The following KCNQ1 variants were observed in gnomAD, a reference collection of about 807,000 sequenced individuals.
KCNQ1 encodes potassium voltage-gated channel subfamily KQT member 1.
In KCNQ1, 49 loss-of-function variants were observed where a neutral mutation model predicts 72.4. That is an observed-to-expected ratio of 0.68 (90% CI 0.54 to 0.86). The LOEUF is 0.86. KCNQ1 is among the 40% of genes least tolerant of loss of function. KCNQ1 has a pLI of 0.00. For synonymous variants in KCNQ1, 450 were observed against 412.6 expected, an observed-to-expected ratio of 1.09 and a Z score of -1.10; for missense variants, 790 against 945.1, an observed-to-expected ratio of 0.84 and a Z score of 2.15.
At chr11:2,667,688 AG>A (rs1204737738) in intron 11 of KCNQ1, 16 of 398,706 alleles carry the variant, frequency 4.0e-5, no homozygotes, top group African/African-American at 2.3e-4. Context: ...TGAAGCACGG[AG>A]GTGACCTAGT....
intron 1 of KCNQ1, among the ~76,000 whole-genome samples, chr11:2,506,377 G>A (rs1384883843): frequency 6.6e-6 from 1 of 152,098 alleles, no homozygotes; most frequent in African/African-American, 2.4e-5. Flanking sequence ...TCAGTTCGTG[G>A]GGTCCTTCCA....
intron 11 of KCNQ1, among the ~76,000 whole-genome samples, chr11:2,716,096 C>A (rs1168191374): frequency 1.3e-5 from 2 of 152,168 alleles, no homozygotes; most frequent in East Asian, 1.9e-4. Context: ...GGGTCGGAGC[C>A]CCTATTCCTA....
chr11:2,609,676 T>G (rs1848945938), intron 10 of KCNQ1: 1 of 398,408 alleles, frequency 2.5e-6, no homozygotes, highest in Non-Finnish European at 4.4e-6. Context: ...GTTCTGTCAG[T>G]TTTTGCTTCT....
chr11:2,547,787 C>T lies in KCNQ1; in HGVS notation c.477+19769C>T, dbSNP rs952330721. 5.9e-5 allele frequency among the ~76,000 whole-genome samples: 9 copies of T among 152,118 alleles called. No homozygotes were observed. Among genetic ancestry groups the T allele is most frequent in the African/African-American group, 1.7e-4 (7 of 41,422 alleles). ...GGTGAGTGGCATGGAAGGGGAGGGGCGGCAGTTCTCAGTGGAGCGGCCGGG... is the reference window on the plus strand; with the variant it reads ...GGTGAGTGGCATGGAAGGGGAGGGGTGGCAGTTCTCAGTGGAGCGGCCGGG... On this transcript the variant is annotated intron_variant, in intron 2 of 15. Coordinates refer to ENST00000155840, the MANE Select transcript of KCNQ1 (RefSeq NM_000218.3). The surrounding 1 kb of genome is among the most constrained non-coding windows in gnomAD (Gnocchi z 4.2).
intron 11 of KCNQ1, chr11:2,680,518 A>G (rs931893896): frequency 4.3e-5 from 17 of 398,416 alleles, no homozygotes; most frequent in Non-Finnish European, 2.7e-5. Context: ...TTATTTTGAG[A>G]TAATTGTACA....
At position 2,748,933 on chromosome 11, in the gene KCNQ1, T is replaced by C. The variant is rs956317928; in HGVS notation, c.1515-19911T>C. 6.6e-6 allele frequency among the ~76,000 whole-genome samples: 1 copy of C among 152,162 alleles called. No homozygotes were observed. Among genetic ancestry groups the C allele is most frequent in the Non-Finnish European group, 1.5e-5 (1 of 68,026 alleles). On this transcript the variant is annotated intron_variant, in intron 11 of 15. Transcript: ENST00000155840. This position sits in a 1 kb window ranked among gnomAD's most constrained non-coding sequence, Gnocchi z 6.2. Reference sequence around the variant, plus strand: ...TTGCGGTTGTCACCCTGTCCTTGAGTCTAACTGGGGCTGTGCTGCCTTTGA... The same window carrying C: ...TTGCGGTTGTCACCCTGTCCTTGAGCCTAACTGGGGCTGTGCTGCCTTTGA...
chr11:2,721,959 C>T (rs1025318873), intron 11 of KCNQ1, among the ~76,000 whole-genome samples: 1 of 152,242 alleles, frequency 6.6e-6, no homozygotes, highest in African/African-American at 2.4e-5. Context: ...GATACCCTCA[C>T]CCCAAGCCCA....
chr11:2,581,432 C>A, intron 6 of KCNQ1, among the ~76,000 whole-genome samples: 1 of 152,226 alleles, frequency 6.6e-6, no homozygotes, highest in East Asian at 1.9e-4. Context: ...TAGCGGCAGC[C>A]CAGCCTGTGC....
At chr11:2,542,708 A>G (rs571302141) in intron 2 of KCNQ1, among the ~76,000 whole-genome samples, 1 of 152,266 alleles carries the variant, frequency 6.6e-6, no homozygotes, top group South Asian at 2.1e-4. Flanking sequence ...GCAATCATAC[A>G]GTGTGTGGTT....
intron 11 of KCNQ1, chr11:2,684,157 G>A: frequency 2.5e-6 from 1 of 398,648 alleles, no homozygotes; most frequent in African/African-American, 2.1e-5. Context: ...GTACACCAGA[G>A]GACTTAGGAA....
chr11:2,802,005 TG>T (rs1847276107), intron 15 of KCNQ1, among the ~76,000 whole-genome samples: 1 of 152,016 alleles, frequency 6.6e-6, no homozygotes, highest in South Asian at 2.1e-4. Context: ...AGTAGGGTGT[TG>T]GGGGAGCTTT....
Position 2,795,051 on chromosome 11 carries a change from G to A in KCNQ1, c.1794+17014G>A, listed in dbSNP as rs565813145. 3.3e-5 allele frequency among the ~76,000 whole-genome samples: 5 copies of A among 152,266 alleles called. No homozygotes were observed. In the East Asian group the frequency reaches 5.8e-4, roughly 18 times the overall value. On this transcript the variant is annotated intron_variant, in intron 15 of 15. Transcript: ENST00000155840. ...AGAGGGTCCTCTGCCTGTGGTTGGC[G>A]GGGGTCCAAGGGGTCTTCCCATCTA...
intron 6 of KCNQ1, among the ~76,000 whole-genome samples, chr11:2,577,512 C>CGT (rs796275967): frequency 1.2e-4 from 19 of 152,324 alleles, no homozygotes; most frequent in African/African-American, 4.3e-4. Context: ...ACCACCAGCC[C>CGT]GTGTGTGGGG....
At chr11:2,716,691 C>T (rs1324286688) in intron 11 of KCNQ1, among the ~76,000 whole-genome samples, 1 of 152,232 alleles carries the variant, frequency 6.6e-6, no homozygotes, top group African/African-American at 2.4e-5. Context: ...TCCAGATTCC[C>T]CACTACGGAA....
At chr11:2,672,939 G>C (rs1214510825) in intron 11 of KCNQ1, 9 of 398,596 alleles carry the variant, frequency 2.3e-5, no homozygotes. Context: ...CCCACCACAG[G>C]TGGCAAGGAA....
At chr11:2,727,965 T>A (rs916668952) in intron 11 of KCNQ1, among the ~76,000 whole-genome samples, 10 of 152,080 alleles carry the variant, frequency 6.6e-5, no homozygotes, top group Admixed American at 5.9e-4. Context: ...TCATATGTGG[T>A]GCAAAATCTA....
Position 2,550,987 on chromosome 11 carries a change from G to A in KCNQ1, c.478-19641G>A, listed in dbSNP as rs1158998251. On this transcript the variant is annotated intron_variant, in intron 2 of 15. Coordinates refer to ENST00000155840, the MANE Select transcript of KCNQ1 (RefSeq NM_000218.3). This position sits in a 1 kb window ranked among gnomAD's most constrained non-coding sequence, Gnocchi z 6.0. The stretch of plus-strand genomic sequence containing the variant: ...CAGGAGGCAGGGGAGGCTGTGCTGA[G>A]CTCAGTGGGCTTGGTGGGGTCATAG... 2.0e-5 allele frequency among the ~76,000 whole-genome samples: 3 copies of A among 152,172 alleles called. No homozygotes were observed. Among genetic ancestry groups the A allele is most frequent in the Admixed American group, 2.0e-4 (3 of 15,288 alleles).
At chr11:2,835,646 G>A (rs1052607601) in intron 15 of KCNQ1, among the ~76,000 whole-genome samples, 4 of 152,202 alleles carry the variant, frequency 2.6e-5, no homozygotes, top group Non-Finnish European at 4.4e-5. Context: ...GCACCACAGC[G>A]ACGAGGGCCT....
In KCNQ1 at chr11:2,654,914, G is replaced by C. The variant is rs1233617507; in HGVS notation, c.1394-7047G>C. On this transcript the variant is annotated intron_variant, in intron 10 of 15. Coordinates refer to ENST00000155840, the MANE Select transcript of KCNQ1 (RefSeq NM_000218.3). This position sits in a 1 kb window ranked among gnomAD's most constrained non-coding sequence, Gnocchi z 6.4. ...ATAAGATGTGCAAGGTCGTGGGCCA[G>C]AGAGCAAGGCACAGATACAGGAGAC... 2 of 398,624 alleles carry C rather than the reference G, an allele frequency of 5.0e-6. No individual in the cohort carries two copies. Among genetic ancestry groups the C allele is most frequent in the African/African-American group, 2.1e-5 (1 of 48,716 alleles). The allele number at this position is 398,624 out of a possible 1,614,324, so 24.7% of individuals were successfully genotyped here.
Sources: gnomAD v4.1 joint callset for allele counts (sites outside exome capture counted in the v4.1 genomes callset) on GRCh38, gnomAD v4.1.1 for gene constraint, Gnocchi (gnomAD v3.1) non-coding constraint, MANE v1.5 for transcripts, NCBI Gene and HGNC (gene_info 2026-07-23, HGNC 2026-07-21) for gene names.